Variants in STK38L observed in about 807,000 individuals in gnomAD.
STK38L encodes serine/threonine kinase 38 like.
STK38L carries 28 observed loss-of-function variants against 59.7 expected under a neutral mutation model. The ratio of observed to expected loss-of-function variants is 0.47; its 90% CI spans 0.35 to 0.64. The LOEUF is 0.64. Ranked by LOEUF, STK38L falls within the 30% of genes least tolerant of loss-of-function variation. STK38L has a pLI of 0.01. For synonymous variants in STK38L, 162 were observed against 176.8 expected (o/e 0.92, Z 0.66); for missense variants, 314 against 555.8 (o/e 0.56, Z 4.37).
intron 6 of STK38L, among the ~76,000 whole-genome samples, chr12:27,312,885 C>T (rs545200869): frequency 3.1e-4 from 47 of 152,192 alleles, no homozygotes; most frequent in Non-Finnish European, 6.0e-4. Context: ...TAAATATTAC[C>T]GTTCTGGGTT....
chr12:27,262,228 C>G (rs182206507), intron 1 of STK38L, among the ~76,000 whole-genome samples: 13 of 152,144 alleles, frequency 8.5e-5, no homozygotes, highest in Non-Finnish European at 2.9e-5. Context: ...AGAGCCCAGA[C>G]AATAATAATG....
chr12:27,297,596 G>A, intron 1 of STK38L, 114 bp from the exon 2 acceptor site: 1 of 1,060,128 alleles, frequency 9.4e-7, no homozygotes, highest in Non-Finnish European at 1.3e-6. Flanking sequence ...ACTTGGATGT[G>A]TTAACTGTTA....
intron 1 of STK38L, among the ~76,000 whole-genome samples, chr12:27,294,339 G>A (rs923886110): frequency 5.9e-5 from 9 of 151,904 alleles, no homozygotes; most frequent in African/African-American, 2.2e-4. Flanking sequence ...GGCCAACTTG[G>A]TGAAACCCCA....
intron 2 of STK38L, among the ~76,000 whole-genome samples, chr12:27,300,934 C>G (rs1156890538): frequency 6.6e-6 from 1 of 152,220 alleles, no homozygotes; most frequent in East Asian, 1.9e-4. Flanking sequence ...GGGAGGGTTT[C>G]AATCCTTAAC....
chr12:27,244,497 T>C (rs1451164882), intron 1 of STK38L, among the ~76,000 whole-genome samples, 165 bp downstream of exon 1: 1 of 152,234 alleles, frequency 6.6e-6, no homozygotes, highest in South Asian at 2.1e-4. Flanking sequence ...GGCGACGGCC[T>C]TGGCCCTCTT....
At position 27,322,248 on chromosome 12, in the gene STK38L, T is replaced by TC. The variant is rs772725101; in HGVS notation, c.1267+14_1267+15insC. 3.1e-6 allele frequency: 5 copies of TC among 1,613,656 alleles called. No homozygotes were observed. The highest frequency in any genetic ancestry group is 2.5e-6 in the Non-Finnish European group (3 of 1,179,834). On this transcript the variant is annotated intron_variant, in intron 13 of 13. Coordinates refer to ENST00000389032, the MANE Select transcript of STK38L (RefSeq NM_015000.4). ...TTTTACAACCAGGTAAGACAATCTG[T>TC]AATGTAACTAACCCTATTAAAAGTC...
intron 1 of STK38L, among the ~76,000 whole-genome samples, chr12:27,280,408 G>C (rs1943628723): frequency 2.0e-5 from 3 of 152,186 alleles, no homozygotes; most frequent in African/African-American, 7.2e-5. Context: ...AATGAATTAG[G>C]TTTGAATTTC....
In STK38L at chr12:27,313,108, C is replaced by T. The variant is rs112444728; in HGVS notation, c.517+436C>T. 2.8e-4 allele frequency among the ~76,000 whole-genome samples: 42 copies of T among 152,102 alleles called. 2 individuals carry two copies. Among genetic ancestry groups the T allele is most frequent in the Admixed American group, 5.2e-4 (8 of 15,276 alleles). The stretch of plus-strand genomic sequence containing the variant: ...CTAAAAATAAAAAAAATTAGCTGGG[C>T]GCAGTGGCGGGCGCCTGTAGTCCCA... On this transcript the variant is annotated intron_variant, in intron 6 of 13. Transcript: ENST00000389032.
At chr12:27,296,905 G>A (rs978796460) in intron 1 of STK38L, 1 of 152,178 alleles carries the variant, frequency 6.6e-6, no homozygotes, top group Non-Finnish European at 1.5e-5. Flanking sequence ...GTGGCCCAGT[G>A]ATCTCTAAAA....
chr12:27,317,234 A>G, intron 9 of STK38L, 102 bp from the exon 10 acceptor site: 2 of 753,966 alleles, frequency 2.7e-6, no homozygotes, highest in Non-Finnish European at 4.4e-6. Context: ...ACAAGTGAAA[A>G]TTTAACTCCT....
rs1361398883 is a variant in STK38L at position 27,308,017 on chromosome 12, C to T, written c.187-322C>T. Among the ~76,000 whole-genome samples, 2 of 151,984 alleles carry T rather than the reference C, an allele frequency of 1.3e-5. No homozygotes were observed. The highest frequency in any genetic ancestry group is 4.8e-5 in the African/African-American group (2 of 41,390). ...TTCCTGACAGAATAAAAATCAGTATCAGAATACCATTAACATTTACTAACA... is the reference window on the plus strand; with the variant it reads ...TTCCTGACAGAATAAAAATCAGTATTAGAATACCATTAACATTTACTAACA... On this transcript the variant is annotated intron_variant, in intron 3 of 13. Transcript: ENST00000389032. This position sits in a 1 kb window ranked among gnomAD's most constrained non-coding sequence, Gnocchi z 4.5.
chr12:27,272,288 G>A (rs182380095), intron 1 of STK38L, among the ~76,000 whole-genome samples: 48 of 152,338 alleles, frequency 3.2e-4, no homozygotes, highest in African/African-American at 1.0e-3. Context: ...AGTAGAATTA[G>A]CACAGCGTTG....
intron 1 of STK38L, among the ~76,000 whole-genome samples, chr12:27,281,892 C>T (rs955984833): frequency 4.6e-5 from 7 of 151,942 alleles, no homozygotes; most frequent in African/African-American, 4.8e-5. Flanking sequence ...AAAAATCAGC[C>T]GGGCGTGATG....
chr12:27,278,560 T>C (rs1943585961), intron 1 of STK38L, among the ~76,000 whole-genome samples: 1 of 152,212 alleles, frequency 6.6e-6, no homozygotes, highest in African/African-American at 2.4e-5. Context: ...ACCTAAAGCC[T>C]TACCTAAAGC....
At chr12:27,283,327 C>T (rs182177527) in intron 1 of STK38L, among the ~76,000 whole-genome samples, 19 of 152,302 alleles carry the variant, frequency 1.2e-4, no homozygotes, top group African/African-American at 4.6e-4. Context: ...GAGTACTTGA[C>T]TGAGTCTTAG....
intron 1 of STK38L, among the ~76,000 whole-genome samples, chr12:27,263,212 C>T (rs903855549): frequency 3.9e-5 from 6 of 152,136 alleles, no homozygotes; most frequent in African/African-American, 1.4e-4. Flanking sequence ...AAATATGGGG[C>T]ACTACGACTA....
chr12:27,261,274 G>A (rs939402048), intron 1 of STK38L, among the ~76,000 whole-genome samples: 2 of 152,182 alleles, frequency 1.3e-5, no homozygotes, highest in Non-Finnish European at 2.9e-5. Flanking sequence ...CAGCTTATTT[G>A]TGTCAGCCTC....
At chr12:27,247,724 G>A (rs540540363) in intron 1 of STK38L, among the ~76,000 whole-genome samples, 1 of 151,868 alleles carries the variant, frequency 6.6e-6, no homozygotes, top group South Asian at 2.1e-4. Context: ...TGCCCAGCCT[G>A]GACTCGAACT....
chr12:27,263,187 TC>T (rs1943237963), intron 1 of STK38L, among the ~76,000 whole-genome samples: 1 of 152,184 alleles, frequency 6.6e-6, no homozygotes, highest in Non-Finnish European at 1.5e-5. Context: ...TTTTGAAGAC[TC>T]TTAAGGAGTT....
Sources: allele counts gnomAD v4.1 joint callset (sites outside exome capture counted in the v4.1 genomes callset), GRCh38; gene constraint gnomAD v4.1.1; non-coding constraint Gnocchi (gnomAD v3.1); transcripts MANE v1.5; gene names NCBI Gene and HGNC (gene_info 2026-07-23, HGNC 2026-07-21).